The following REEP5 variants were observed in gnomAD, a reference collection of about 807,000 sequenced individuals.
REEP5 encodes receptor expression-enhancing protein 5.
Under a neutral mutation model 22.4 loss-of-function variants are expected in REEP5, and 24 were observed. The ratio of observed to expected loss-of-function variants is 1.07; its 90% CI spans 0.78 to 1.51. The LOEUF (loss-of-function observed/expected upper bound fraction) is 1.51. Among genes scored for constraint, REEP5 ranks in the 40% most tolerant of loss-of-function variants. REEP5 has a pLI of 0.00. For missense variants in REEP5, 252 were observed against 233.0 expected, an observed-to-expected ratio of 1.08 and a Z score of -0.53; for synonymous variants, 103 against 88.6, an observed-to-expected ratio of 1.16 and a Z score of -0.92.
chr5:112,892,499 C>G, intron 3 of REEP5: 1 of 1,614,204 alleles, frequency 6.2e-7, no homozygotes, highest in Non-Finnish European at 8.5e-7. Context: ...GAATGCCAAG[C>G]AGCCCTTTCT....
At position 112,922,116 on chromosome 5, in the gene REEP5, C is replaced by G. The variant is rs1184127186; in HGVS notation, c.75G>C (p.Lys25Asn). 1 of 1,605,672 alleles carries G rather than the reference C, an allele frequency of 6.2e-7. No homozygotes were observed. The highest frequency in any genetic ancestry group is 1.3e-5 in the African/African-American group (1 of 74,156). ...TGTTCACGCCGGTTTTGGCCTCGAG[C>G]TTGGCCAGAAGGTCAGTCATGCAGT... ...EKNCMTDLLA[K>N]LEAKTGVNRS... The change falls in exon 1 of 5, where the codon AAG becomes AAC. Residue 25 changes from lysine to asparagine, a missense_variant. Coordinates refer to ENST00000379638, the MANE Select transcript of REEP5 (RefSeq NM_005669.5).
At chr5:112,892,462 GTA>G (rs775496636) in intron 3 of REEP5, 2 of 1,614,160 alleles carry the variant, frequency 1.2e-6, no homozygotes, top group East Asian at 4.5e-5. Context: ...GAGGGGCAAT[GTA>G]TATGTTCAGT....
intron 2 of REEP5, among the ~76,000 whole-genome samples, chr5:112,903,601 A>G (rs1234533907): frequency 6.6e-6 from 1 of 152,250 alleles, no homozygotes; most frequent in African/African-American, 2.4e-5. Context: ...TTCAAAAAGC[A>G]AATACATTGG....
intron 4 of REEP5, among the ~76,000 whole-genome samples, chr5:112,884,427 A>G (rs1036656225): frequency 3.3e-5 from 5 of 150,706 alleles, no homozygotes; most frequent in Non-Finnish European, 5.9e-5. Flanking sequence ...TTGCTTTGTA[A>G]CCCAGGCTAG....
chr5:112,922,089 C>T lies in REEP5; in HGVS notation c.102G>A (p.Arg34=). Residue 34 remains arginine (R), a synonymous_variant, in exon 1 of 5, where the codon AGG becomes AGA. Transcript: ENST00000379638. ...AKLEAKTGVN[R]SFIALGVIGL... ...GCCACCCACCAAGAGCGATGAAGCT[C>T]CTGTTCACGCCGGTTTTGGCCTCGA... is the stretch of plus-strand genomic sequence containing the variant. The T allele has an allele frequency of 6.2e-7, 1 of 1,603,918 alleles. No individual in the cohort carries two copies. Among genetic ancestry groups the T allele is most frequent in the Non-Finnish European group, 8.5e-7 (1 of 1,175,384 alleles).
chr5:112,918,117 T>C (rs1580757280), intron 2 of REEP5, among the ~76,000 whole-genome samples: 1 of 152,092 alleles, frequency 6.6e-6, no homozygotes, highest in Non-Finnish European at 1.5e-5. Context: ...CAGTTCTTGA[T>C]GAAAGGAAGG....
intron 4 of REEP5, among the ~76,000 whole-genome samples, chr5:112,881,452 T>C (rs1768072001): frequency 6.6e-6 from 1 of 152,180 alleles, no homozygotes; most frequent in African/African-American, 2.4e-5. Context: ...TCAAGACCCA[T>C]CACTGGCAAA....
chr5:112,893,094 TAAAAAA>T (rs552226372), intron 3 of REEP5: 32,353 of 496,850 alleles, frequency 0.065, 52 homozygotes, highest in Middle Eastern at 0.082. Context: ...GTTTTGTTCT[TAAAAAA>T]AAAAAAAAAA....
intron 2 of REEP5, among the ~76,000 whole-genome samples, chr5:112,911,414 T>G (rs941519852): frequency 6.6e-6 from 1 of 152,234 alleles, no homozygotes; most frequent in Non-Finnish European, 1.5e-5. Context: ...TGTGCTCTTC[T>G]TCTTTTGCTG....
intron 3 of REEP5, chr5:112,892,469 T>A: frequency 6.2e-7 from 1 of 1,614,162 alleles, no homozygotes; most frequent in Non-Finnish European, 8.5e-7. Context: ...AATGTATATG[T>A]TCAGTACCAG....
intron 3 of REEP5, chr5:112,892,320 C>G (rs550786485): frequency 1.9e-6 from 3 of 1,613,954 alleles, no homozygotes; most frequent in African/African-American, 2.7e-5. Context: ...ATGACCCTGA[C>G]GCAAGCCTGG....
At chr5:112,897,860 A>C (rs1313420783) in intron 3 of REEP5, 1 of 152,226 alleles carries the variant, frequency 6.6e-6, no homozygotes, top group Non-Finnish European at 1.5e-5. Flanking sequence ...GGAGTTTGAG[A>C]CCAGCCTGGC....
chr5:112,885,742 G>A, intron 4 of REEP5: 1 of 282,998 alleles, frequency 3.5e-6, no homozygotes, highest in Admixed American at 4.0e-5. Context: ...AGCTATTAAT[G>A]AACTAATTAA....
intron 3 of REEP5, chr5:112,895,450 C>T (rs1321789492): frequency 6.6e-6 from 1 of 151,362 alleles, no homozygotes; most frequent in Non-Finnish European, 1.5e-5. Context: ...ATGTAGATGC[C>T]AACCCTTCAG....
chr5:112,879,669 G>A (rs1015589908), intron 4 of REEP5, among the ~76,000 whole-genome samples: 1 of 151,838 alleles, frequency 6.6e-6, no homozygotes, highest in Non-Finnish European at 1.5e-5. Context: ...GTAGAGATGG[G>A]GTTTCACTGT....
chr5:112,907,036 T>G (rs1370061514), intron 2 of REEP5, among the ~76,000 whole-genome samples: 2 of 152,230 alleles, frequency 1.3e-5, no homozygotes, highest in Non-Finnish European at 2.9e-5. Context: ...ACCTGAATAT[T>G]CTGAAATTTG....
At chr5:112,915,887 A>C (rs1769222090) in intron 2 of REEP5, among the ~76,000 whole-genome samples, 1 of 151,556 alleles carries the variant, frequency 6.6e-6, no homozygotes, top group South Asian at 2.1e-4. Context: ...ATTTAAAAAA[A>C]AAAAAAAAAA....
chr5:112,883,752 AT>A (rs1464022757), intron 4 of REEP5, among the ~76,000 whole-genome samples: 1 of 152,102 alleles, frequency 6.6e-6, no homozygotes, highest in Non-Finnish European at 1.5e-5. Flanking sequence ...CCTCAAACAA[AT>A]GTCCAGGACT....
chr5:112,919,517 G>C (rs1769304536), intron 2 of REEP5, among the ~76,000 whole-genome samples: 1 of 152,174 alleles, frequency 6.6e-6, no homozygotes, highest in Non-Finnish European at 1.5e-5. Context: ...AGTGAACTGA[G>C]ATTACGACAC....
Sources: allele counts gnomAD v4.1 joint callset (sites outside exome capture counted in the v4.1 genomes callset), GRCh38; gene constraint gnomAD v4.1.1; transcripts MANE v1.5; gene names NCBI Gene and HGNC (gene_info 2026-07-23, HGNC 2026-07-21).